Variants in APEH observed in about 807,000 individuals in gnomAD.
The protein encoded by APEH is acylamino-acid-releasing enzyme.
APEH carries 75 observed loss-of-function variants against 102.7 expected under a neutral mutation model. That is an observed-to-expected ratio of 0.73 (90% CI 0.61 to 0.89). The LOEUF (loss-of-function observed/expected upper bound fraction) is 0.89, where lower values mean the gene tolerates loss of function less well. Among genes scored for constraint, APEH ranks in the 40% least tolerant of loss-of-function variants. The pLI, the probability that APEH is intolerant of heterozygous loss-of-function variation, is 0.00. For synonymous variants in APEH, 344 were observed against 362.7 expected (o/e 0.95, Z 0.59); for missense variants, 863 against 941.2 (o/e 0.92, Z 1.09).
In APEH at chr3:49,678,857, T is replaced by A. The variant is rs2053190787; in HGVS notation, c.1066T>A (p.Phe356Ile). 6.2e-7 allele frequency: 1 copy of A among 1,613,004 alleles called. No individual in the cohort carries two copies. The highest frequency in any genetic ancestry group is 1.3e-5 in the African/African-American group (1 of 74,908). Residue 356 changes from phenylalanine (F) to isoleucine (I), a missense_variant, in exon 12 of 22, where the codon TTC (phenylalanine) becomes ATC (isoleucine). Physicochemically the swap from Phe to Ile is conservative, Grantham distance 21. Coordinates refer to ENST00000296456, the MANE Select transcript of APEH (RefSeq NM_001640.4). ...CAGCCCTCCTATCTTTACAGAGAACTTCTCTGGGATCTACTGCAGCCTTCT... is the reference window on the plus strand; with the variant it reads ...CAGCCCTCCTATCTTTACAGAGAACATCTCTGGGATCTACTGCAGCCTTCT... ...DVVPRQLGEN[F>I]SGIYCSLLPL...
At chr3:49,680,058 C>T (rs1176051312) in intron 13 of APEH, 4 of 238,280 alleles carry the variant, frequency 1.7e-5, no homozygotes, top group Non-Finnish European at 3.4e-5. Flanking sequence ...TTGACTCCCC[C>T]GTCTTCCCCA....
chr3:49,682,547 T>C lies in APEH; in HGVS notation c.1694T>C (p.Phe565Ser). 6.2e-7 allele frequency: 1 copy of C among 1,614,070 alleles called. No homozygotes were observed. The highest frequency in any genetic ancestry group is 8.5e-7 in the Non-Finnish European group (1 of 1,179,974). Reference sequence around the variant, plus strand: ...AGCATGCTTTGTCCCACCCTGCAGTTTGCAGTGGAACAGGTGCTCCAGGAG... The same window carrying C: ...AGCATGCTTTGTCCCACCCTGCAGTCTGCAGTGGAACAGGTGCTCCAGGAG... The part of the protein sequence containing the change: ...VGHQDVKDVQ[F>S]AVEQVLQEEH... Residue 565 changes from phenylalanine to serine, a missense_variant and splice_region_variant, in exon 19 of 22, where the codon TTT becomes TCT. Phe to Ser is a radical substitution (Grantham distance 155). Transcript: ENST00000296456.
intron 11 of APEH, among the ~76,000 whole-genome samples, chr3:49,677,866 CAG>C (rs2053140515): frequency 1.3e-5 from 2 of 152,188 alleles, no homozygotes; most frequent in Admixed American, 6.5e-5. Flanking sequence ...AAGCTGAGAT[CAG>C]AGTGGCCCAA....
chr3:49,683,631 G>T lies in APEH; in HGVS notation c.*289G>T. 1 of 487,618 alleles carries T rather than the reference G, an allele frequency of 2.1e-6. No individual in the cohort carries two copies. The highest frequency in any genetic ancestry group is 3.9e-5 in the East Asian group (1 of 25,580). 30.2% of individuals were successfully genotyped at this position (487,618 alleles called of 1,614,324 possible). A position where few individuals can be genotyped will look rare whatever the true frequency, so the allele number is the denominator to read the frequency against. On this transcript the variant is annotated 3_prime_UTR_variant, in exon 22 of 22. Coordinates refer to ENST00000296456, the MANE Select transcript of APEH (RefSeq NM_001640.4). ...CATCTGCCTCCAGTGTGAGAAGGGA[G>T]GGAACAGTGAGAGGCTTAGCCTCTG...
chr3:49,680,173 A>C, intron 13 of APEH: 1 of 310,848 alleles, frequency 3.2e-6, no homozygotes, highest in South Asian at 2.9e-5. Flanking sequence ...TTCCAAAGCT[A>C]CATCTCATTG....
Position 49,677,605 on chromosome 3 carries a change from G to A in APEH, c.1032G>A (p.Val344=). The A allele has an allele frequency of 6.2e-7, 1 of 1,614,020 alleles. No homozygotes were observed. The highest frequency in any genetic ancestry group is 8.5e-7 in the Non-Finnish European group (1 of 1,179,914). The part of the protein sequence containing the change: ...YDWYTKVTSV[V]VDVVPRQLGE... ...GGTATACCAAGGTTACCTCAGTGGT[G>A]GTAGATGTTGTGCCTCGGCAGCTGG... The change falls in exon 11 of 22, where the codon GTG becomes GTA. Residue 344 remains valine (V), a synonymous_variant. Transcript: ENST00000296456.
In APEH at chr3:49,676,422, T is replaced by C; in HGVS notation, c.651T>C (p.Val217=). Residue 217 remains valine, a synonymous_variant, in exon 7 of 22, where the codon GTT becomes GTC. Coordinates refer to ENST00000296456, the MANE Select transcript of APEH (RefSeq NM_001640.4). ...ATGAAGACTGGGGAGAAAACATGGT[T>C]TCCAAAAGCATCCCTGTGCTCTGCG... ...VFYEDWGENM[V]SKSIPVLCVL... 6.2e-7 allele frequency: 1 copy of C among 1,614,222 alleles called. No individual in the cohort carries two copies. Among genetic ancestry groups the C allele is most frequent in the Non-Finnish European group, 8.5e-7 (1 of 1,180,030 alleles).
At position 49,679,084 on chromosome 3, in the gene APEH, A is replaced by G; in HGVS notation, c.1158+135A>G. On this transcript the variant is annotated intron_variant, in intron 12 of 21. Coordinates refer to ENST00000296456, the MANE Select transcript of APEH (RefSeq NM_001640.4). This position sits in a 1 kb window ranked among gnomAD's most constrained non-coding sequence, Gnocchi z 4.3. ...CAGCCCCTTAAAACCCTGCCTGCCC[A>G]TCCTGGACTCATTTCTCCTGGAGGG... The G allele has an allele frequency of 1.5e-6, 1 of 689,158 alleles. No individual in the cohort carries two copies. The highest frequency in any genetic ancestry group is 1.8e-5 in the South Asian group (1 of 54,892). The allele number at this position is 689,158 out of a possible 1,614,324, so 42.7% of individuals were successfully genotyped here.
Position 49,676,482 on chromosome 3 carries a change from T to C in APEH, c.711T>C (p.Leu237=). 1.2e-6 allele frequency: 2 copies of C among 1,614,230 alleles called. No individual in the cohort carries two copies. Among genetic ancestry groups the C allele is most frequent in the Non-Finnish European group, 1.7e-6 (2 of 1,180,032 alleles). Residue 237 remains leucine, a synonymous_variant, in exon 7 of 22, where the codon CTT becomes CTC. Transcript: ENST00000296456. ...TCGAGAGTGGCAACATCTCTGTGCT[T>C]GAGGGGGTCCCTGAGAATGTGTCCC... ...LDVESGNISV[L]EGVPENVSPG...
At chr3:49,674,734 C>T in intron 2 of APEH, 113 bp downstream of exon 2, 2 of 1,403,968 alleles carry the variant, frequency 1.4e-6, no homozygotes, top group South Asian at 2.6e-5. Flanking sequence ...AGGGAGCCGG[C>T]CTGGACTTGG....
chr3:49,681,808 A>C lies in APEH; in HGVS notation c.1522+3A>C, dbSNP rs946366754. ...GCCCATGGTGGTCATGCCCCACGGT[A>C]GGCATCTGGCGTTAAGAGCCCTTGC... On this transcript the variant is annotated splice_donor_region_variant and intron_variant, in intron 16 of 21. Coordinates refer to ENST00000296456, the MANE Select transcript of APEH (RefSeq NM_001640.4). 7 of 1,611,792 alleles carry C rather than the reference A, an allele frequency of 4.3e-6. No homozygotes were observed. The highest frequency in any genetic ancestry group is 5.9e-6 in the Non-Finnish European group (7 of 1,178,200).
chr3:49,681,412 C>G (rs539737361), intron 15 of APEH, among the ~76,000 whole-genome samples, 173 bp downstream of exon 15: 1 of 152,230 alleles, frequency 6.6e-6, no homozygotes, highest in Admixed American at 6.5e-5. Flanking sequence ...GACATCTGAG[C>G]GCCTGCTCTG....
rs2108134185 is a variant in APEH at position 49,683,766 on chromosome 3, G to A, written c.*424G>A. 1 of 542,518 alleles carries A rather than the reference G, an allele frequency of 1.8e-6. No homozygotes were observed. Among genetic ancestry groups the A allele is most frequent in the Non-Finnish European group, 3.3e-6 (1 of 306,228 alleles). The allele number at this position is 542,518 out of a possible 1,614,324, so 33.6% of individuals were successfully genotyped here. A position where few individuals can be genotyped will look rare whatever the true frequency, so the allele number is the denominator to read the frequency against. On this transcript the variant is annotated 3_prime_UTR_variant, in exon 22 of 22. Transcript: ENST00000296456. ...CCAAGAGTATGTCTGGAGGACTAGT[G>A]TGAGGCCCTGTCTTTCCACGGCACC... is the stretch of plus-strand genomic sequence containing the variant.
At chr3:49,677,854 C>T (rs1387336150) in intron 11 of APEH, among the ~76,000 whole-genome samples, 1 of 152,138 alleles carries the variant, frequency 6.6e-6, no homozygotes, top group African/African-American at 2.4e-5. Flanking sequence ...AGTGGTAGGA[C>T]CAAGCTGAGA....
At position 49,682,435 on chromosome 3, in the gene APEH, A is replaced by T; in HGVS notation, c.1691A>T (p.Gln564Leu). Reference sequence around the variant, plus strand: ...GGCCACCAGGATGTGAAGGATGTCCAGGTAGCAGGGGCTGGGGCTTCTGGA... The same window carrying T: ...GGCCACCAGGATGTGAAGGATGTCCTGGTAGCAGGGGCTGGGGCTTCTGGA... Reference protein sequence around the residue: ...NVGHQDVKDVQFAVEQVLQEE... With the variant: ...NVGHQDVKDVLFAVEQVLQEE... The change falls in exon 18 of 22, where the codon CAG becomes CTG. Residue 564 changes from glutamine to leucine, a missense_variant and splice_region_variant. Physicochemically the swap from Gln to Leu is moderately radical, Grantham distance 113. Coordinates refer to ENST00000296456, the MANE Select transcript of APEH (RefSeq NM_001640.4). 3.1e-6 allele frequency: 5 copies of T among 1,613,846 alleles called. No homozygotes were observed. Among genetic ancestry groups the T allele is most frequent in the Non-Finnish European group, 3.4e-6 (4 of 1,179,778 alleles).
intron 3 of APEH, 109 bp downstream of exon 3, chr3:49,675,418 GC>G: frequency 2.7e-6 from 4 of 1,467,880 alleles, no homozygotes; most frequent in Non-Finnish European, 3.7e-6. Flanking sequence ...CCAGGTTCTT[GC>G]CCCCTTGGGA....
At position 49,683,771 on chromosome 3, in the gene APEH, G is replaced by A; in HGVS notation, c.*429G>A. On this transcript the variant is annotated 3_prime_UTR_variant, in exon 22 of 22. Transcript: ENST00000296456. Reference sequence around the variant, plus strand: ...AGTATGTCTGGAGGACTAGTGTGAGGCCCTGTCTTTCCACGGCACCCATGG... The same window carrying A: ...AGTATGTCTGGAGGACTAGTGTGAGACCCTGTCTTTCCACGGCACCCATGG... The A allele has an allele frequency of 1.8e-6, 1 of 547,778 alleles. No individual in the cohort carries two copies. Among genetic ancestry groups the A allele is most frequent in the Non-Finnish European group, 3.2e-6 (1 of 309,862 alleles). The allele number at this position is 547,778 out of a possible 1,614,324, so 33.9% of individuals were successfully genotyped here.
At position 49,675,938 on chromosome 3, in the gene APEH, G is replaced by A. The variant is rs142881257; in HGVS notation, c.414G>A (p.Leu138=). The change falls in exon 5 of 22, where the codon CTG becomes CTA. Residue 138 remains leucine, a synonymous_variant. Coordinates refer to ENST00000296456, the MANE Select transcript of APEH (RefSeq NM_001640.4). The part of the protein sequence containing the change: ...RKLKSFNLSA[L]EKHGPVYEDD... ...TCAAGAGCTTCAACCTGTCAGCGCT[G>A]GAGAAACATGGGCCTGTTTATGAGG... is the stretch of plus-strand genomic sequence containing the variant. 5 of 1,614,216 alleles carry A rather than the reference G, an allele frequency of 3.1e-6. No individual in the cohort carries two copies. Among genetic ancestry groups the A allele is most frequent in the Non-Finnish European group, 4.2e-6 (5 of 1,180,040 alleles).
chr3:49,673,822 C>T (rs1286533782), upstream of APEH, among the ~76,000 whole-genome samples: 1 of 151,596 alleles, frequency 6.6e-6, no homozygotes, highest in Non-Finnish European at 1.5e-5. Flanking sequence ...CGCTCACGCT[C>T]ACGCTCACGC....
Sources: allele counts gnomAD v4.1 joint callset (sites outside exome capture counted in the v4.1 genomes callset), GRCh38; gene constraint gnomAD v4.1.1; non-coding constraint Gnocchi (gnomAD v3.1); transcripts MANE v1.5; gene names NCBI Gene and HGNC (gene_info 2026-07-23, HGNC 2026-07-21).